Variants in ABCB1 observed in about 807,000 individuals in gnomAD.
The protein encoded by ABCB1 is ATP-dependent translocase ABCB1.
Under a neutral mutation model 142.0 loss-of-function variants are expected in ABCB1, and 69 were observed. That is an observed-to-expected ratio of 0.49 (90% CI 0.40 to 0.59). The LOEUF is 0.59. Ranked by LOEUF, ABCB1 falls within the 20% of genes least tolerant of loss-of-function variation. The pLI is 0.00. For missense variants in ABCB1, 1,326 were observed against 1,554.7 expected (o/e 0.85, Z 2.47); for synonymous variants, 532 against 539.2 (o/e 0.99, Z 0.18).
intron 8 of ABCB1, among the ~76,000 whole-genome samples, chr7:87,559,014 G>T (rs369432885): frequency 6.6e-6 from 1 of 152,174 alleles, no homozygotes; most frequent in East Asian, 1.9e-4. Context: ...TGTTTTAGGT[G>T]AAACTGTCCT....
chr7:87,624,257 C>T (rs575608848), intron 1 of ABCB1, among the ~76,000 whole-genome samples: 3 of 151,970 alleles, frequency 2.0e-5, no homozygotes, highest in South Asian at 2.1e-4. Flanking sequence ...ACCCATCTGA[C>T]GTCAAAGTAA....
chr7:87,619,745 CATGTGT>C (rs1291565254), intron 1 of ABCB1, among the ~76,000 whole-genome samples: 1 of 148,160 alleles, frequency 6.7e-6, no homozygotes, highest in Admixed American at 6.7e-5. Context: ...CACACAAACA[CATGTGT>C]GTGTGTGTGT....
chr7:87,635,525 G>C (rs1329078714), intron 1 of ABCB1, among the ~76,000 whole-genome samples: 1 of 152,098 alleles, frequency 6.6e-6, no homozygotes, highest in Non-Finnish European at 1.5e-5. Context: ...TTAGTGTCAA[G>C]TCTGTAGTCA....
chr7:87,631,584 G>A (rs1372384253), intron 1 of ABCB1, among the ~76,000 whole-genome samples: 2 of 152,096 alleles, frequency 1.3e-5, no homozygotes, highest in Non-Finnish European at 2.9e-5. Context: ...TAGTAGAGAC[G>A]GGGTTTCACC....
rs28364279 is a variant in ABCB1, at chr7:87,503,991, T to G, written c.*252A>C. On this transcript the variant is annotated 3_prime_UTR_variant, in exon 28 of 28. Transcript: ENST00000622132. ...GGGAAAATATAAACAAAATTACACA[T>G]TTTATCTTTTAAAATCTACTTTAAT... 1,865 of 541,554 alleles carry G rather than the reference T, an allele frequency of 3.4e-3. 30 individuals are homozygous for G. Among genetic ancestry groups the G allele is most frequent in the African/African-American group, 0.033 (1,723 of 52,934 alleles). 33.5% of individuals were successfully genotyped at this position (541,554 alleles called of 1,614,324 possible).
At chr7:87,605,794 GA>G (rs1208440006), upstream of ABCB1, among the ~76,000 whole-genome samples, 1 of 152,094 alleles carries the variant, frequency 6.6e-6, no homozygotes, top group Admixed American at 6.6e-5. Context: ...TTTGTAAGAA[GA>G]AAATAAGGTA....
At chr7:87,596,107 T>C (rs558398098) in intron 2 of ABCB1, among the ~76,000 whole-genome samples, 61 of 152,172 alleles carry the variant, frequency 4.0e-4, no homozygotes, top group African/African-American at 1.4e-3. Context: ...AATACATACA[T>C]ACACCCTTTG....
At chr7:87,591,603 T>C (rs920365538) in intron 3 of ABCB1, among the ~76,000 whole-genome samples, 3 of 152,190 alleles carry the variant, frequency 2.0e-5, no homozygotes, top group South Asian at 2.1e-4. Context: ...AGTCAGAGAA[T>C]GTTGAGACTT....
intron 1 of ABCB1, among the ~76,000 whole-genome samples, chr7:87,662,595 C>G (rs1471442037): frequency 6.6e-6 from 1 of 152,056 alleles, no homozygotes. Flanking sequence ...ATTCTCTATT[C>G]TGTTCCATTG....
chr7:87,635,045 AG>A (rs1821625112), intron 1 of ABCB1, among the ~76,000 whole-genome samples: 1 of 152,160 alleles, frequency 6.6e-6, no homozygotes, highest in Non-Finnish European at 1.5e-5. Flanking sequence ...GTCCTTTACT[AG>A]GGGGTATTTA....
chr7:87,659,659 C>T (rs558991643), intron 1 of ABCB1, among the ~76,000 whole-genome samples: 26 of 151,834 alleles, frequency 1.7e-4, no homozygotes, highest in Admixed American at 9.8e-4. Flanking sequence ...ATACAGTTTG[C>T]TAATTTGTCT....
chr7:87,652,646 A>ATAT (rs1563105075), intron 1 of ABCB1, among the ~76,000 whole-genome samples: 2 of 147,178 alleles, frequency 1.4e-5, no homozygotes, highest in Admixed American at 6.8e-5. Context: ...ATATATATAT[A>ATAT]GTAGGAAGTA....
intron 1 of ABCB1, among the ~76,000 whole-genome samples, chr7:87,606,709 T>G (rs945178706): frequency 2.0e-5 from 3 of 152,158 alleles, no homozygotes; most frequent in African/African-American, 7.2e-5. Flanking sequence ...ATATTAGAGA[T>G]AAAGATATCA....
intron 1 of ABCB1, among the ~76,000 whole-genome samples, chr7:87,681,139 A>G (rs1204003765): frequency 6.6e-6 from 1 of 150,648 alleles, no homozygotes; most frequent in Admixed American, 6.6e-5. Flanking sequence ...ACTCATAAAG[A>G]AGTAGATAAC....
intron 21 of ABCB1, among the ~76,000 whole-genome samples, chr7:87,525,453 C>A (rs890367616): frequency 2.0e-5 from 3 of 152,022 alleles, no homozygotes; most frequent in African/African-American, 7.2e-5. Flanking sequence ...ACTTCTGACT[C>A]CCCAGAAACT....
chr7:87,582,900 G>A (rs1266114495), intron 4 of ABCB1, among the ~76,000 whole-genome samples: 1 of 152,066 alleles, frequency 6.6e-6, no homozygotes, highest in African/African-American at 2.4e-5. Context: ...AATTAGCCCA[G>A]GGGTCATAGT....
chr7:87,701,925 C>T (rs1203037102), intron 1 of ABCB1, among the ~76,000 whole-genome samples: 11 of 151,980 alleles, frequency 7.2e-5, no homozygotes, highest in African/African-American at 2.2e-4. Context: ...AGGCGGATCA[C>T]GAGGTCAGGA....
In ABCB1 at chr7:87,595,829, T is replaced by C. The variant is rs752199362; in HGVS notation, c.69-15A>G. On this transcript the variant is annotated splice_polypyrimidine_tract_variant and intron_variant, in intron 2 of 27. Transcript: ENST00000622132. ...TATCTTTTTCACTGCAAAACAGCAA[T>C]GGAATTACATAAAACTTTAAAAAGT... The C allele has an allele frequency of 1.9e-6, 3 of 1,602,662 alleles. No homozygotes were observed. The highest frequency in any genetic ancestry group is 1.3e-5 in the African/African-American group (1 of 74,654).
intron 4 of ABCB1, among the ~76,000 whole-genome samples, chr7:87,571,468 AC>A (rs1013368798): frequency 1.3e-5 from 2 of 152,196 alleles, no homozygotes; most frequent in East Asian, 3.8e-4. Flanking sequence ...AGCTACTATA[AC>A]TATGTAGGGA....
Sources: gnomAD v4.1 joint callset for allele counts (sites outside exome capture counted in the v4.1 genomes callset) on GRCh38, gnomAD v4.1.1 for gene constraint, MANE v1.5 for transcripts, NCBI Gene and HGNC (gene_info 2026-07-23, HGNC 2026-07-21) for gene names.